Variants in PXDNL observed in about 807,000 individuals in gnomAD.
The protein encoded by PXDNL is probable oxidoreductase PXDNL.
Under a neutral mutation model 150.8 loss-of-function variants are expected in PXDNL, and 145 were observed. The observed-to-expected ratio is 0.96, with a 90% CI of 0.84 to 1.10. The LOEUF (loss-of-function observed/expected upper bound fraction) is 1.10, where lower values mean the gene tolerates loss of function less well. Ranked by LOEUF, PXDNL falls within the 50% of genes least tolerant of loss-of-function variation. The probability of loss-of-function intolerance (pLI) is 0.00; values close to 1 mark genes in which losing one functional copy is unlikely to be tolerated. For missense variants in PXDNL, 2,087 were observed against 1,873.9 expected (o/e 1.11, Z -2.10); for synonymous variants, 757 against 725.7 (o/e 1.04, Z -0.69).
In PXDNL at chr8:51,411,350, C is replaced by A. The variant is rs764987792; in HGVS notation, c.1962G>T (p.Leu654=). 5 of 1,588,468 alleles carry A rather than the reference C, an allele frequency of 3.1e-6. 1 individual carries two copies. The highest frequency in any genetic ancestry group is 1.9e-5 in the Admixed American group (1 of 54,020). ...CCCCTGCTCTTGCCATTTCCACAAT[C>A]AGTGGGTCACGCGGGTAATGAAATT... is the stretch of plus-strand genomic sequence containing the variant. ...LAQFHYPRDP[L]IVEMARAGEI... Residue 654 remains leucine (L), a synonymous_variant, in exon 16 of 23, where the codon CTG becomes CTT. Transcript: ENST00000356297.
intron 1 of PXDNL, among the ~76,000 whole-genome samples, chr8:51,777,827 C>T (rs1195781521): frequency 6.6e-6 from 1 of 152,116 alleles, no homozygotes; most frequent in Non-Finnish European, 1.5e-5. Flanking sequence ...CGCATGAACC[C>T]GGGAGGCGGA....
intron 3 of PXDNL, among the ~76,000 whole-genome samples, chr8:51,573,605 A>G (rs931728938): frequency 6.6e-6 from 1 of 151,992 alleles, no homozygotes; most frequent in African/African-American, 2.4e-5. Flanking sequence ...GAATCTCACC[A>G]CCATGTGGGA....
At chr8:51,417,294 A>G (rs1479328120) in intron 14 of PXDNL, among the ~76,000 whole-genome samples, 1 of 152,244 alleles carries the variant, frequency 6.6e-6, no homozygotes, top group African/African-American at 2.4e-5. Flanking sequence ...GTATATTTAC[A>G]AAATAAACAT....
chr8:51,755,861 G>A (rs1244251837), intron 1 of PXDNL, among the ~76,000 whole-genome samples: 1 of 152,124 alleles, frequency 6.6e-6, no homozygotes, highest in African/African-American at 2.4e-5. Flanking sequence ...TAAGTCAGCA[G>A]CAACTGTCAA....
chr8:51,744,750 AAG>A (rs1585717569), intron 1 of PXDNL, among the ~76,000 whole-genome samples: 2 of 21,176 alleles, frequency 9.4e-5, no homozygotes, highest in East Asian at 2.8e-3. Flanking sequence ...GAGAAAAGAA[AAG>A]AGAGAGAAAG....
chr8:51,626,735 G>T (rs1218952373), intron 2 of PXDNL, among the ~76,000 whole-genome samples: 2 of 152,078 alleles, frequency 1.3e-5, no homozygotes, highest in Non-Finnish European at 2.9e-5. Context: ...TTTCTATTTT[G>T]ACAAATATTT....
chr8:51,483,806 C>A, intron 5 of PXDNL, 92 bp from the exon 6 acceptor site: 1 of 730,908 alleles, frequency 1.4e-6, no homozygotes, highest in Non-Finnish European at 2.3e-6. Context: ...AATCCAATAC[C>A]TTTTTTGAAA....
rs148487516 is a variant in PXDNL at position 51,558,546 on chromosome 8, T to A, written c.309-1635A>T. ...TGGTTTTTATTATTATCGTCAATTT[T>A]AAATAATGAGGAGTTGTTTCATAAA... On this transcript the variant is annotated intron_variant, in intron 3 of 22. Transcript: ENST00000356297. 5.3e-4 allele frequency among the ~76,000 whole-genome samples: 80 copies of A among 152,202 alleles called. 1 individual carries two copies. Among genetic ancestry groups the A allele is most frequent in the African/African-American group, 1.8e-3 (76 of 41,552 alleles).
chr8:51,781,285 T>C (rs1006022654), intron 1 of PXDNL, among the ~76,000 whole-genome samples: 1 of 152,152 alleles, frequency 6.6e-6, no homozygotes, highest in Non-Finnish European at 1.5e-5. Context: ...TCTCTGACTT[T>C]GTGTGCCTTG....
chr8:51,338,688 A>G (rs1326494769), intron 21 of PXDNL, among the ~76,000 whole-genome samples: 2 of 152,248 alleles, frequency 1.3e-5, no homozygotes, highest in Admixed American at 1.3e-4. Flanking sequence ...GAAATCAGAC[A>G]TATATTTTTG....
At chr8:51,723,333 C>T (rs866026428) in intron 1 of PXDNL, among the ~76,000 whole-genome samples, 1 of 152,166 alleles carries the variant, frequency 6.6e-6, no homozygotes, top group African/African-American at 2.4e-5. Context: ...TTTACTATTC[C>T]TAATTCATCT....
chr8:51,671,927 T>A (rs1158632214), intron 1 of PXDNL, among the ~76,000 whole-genome samples: 1 of 152,244 alleles, frequency 6.6e-6, no homozygotes, highest in Non-Finnish European at 1.5e-5. Flanking sequence ...TTTTAAATAA[T>A]GATTACCAAG....
At chr8:51,645,293 C>G (rs1814893345) in intron 2 of PXDNL, among the ~76,000 whole-genome samples, 1 of 152,134 alleles carries the variant, frequency 6.6e-6, no homozygotes, top group Admixed American at 6.6e-5. Flanking sequence ...CTCAGGCCAC[C>G]AATTCATGCT....
At chr8:51,743,281 G>T (rs1258495065) in intron 1 of PXDNL, among the ~76,000 whole-genome samples, 2 of 152,144 alleles carry the variant, frequency 1.3e-5, no homozygotes, top group East Asian at 3.8e-4. Flanking sequence ...GCAGCGGCAT[G>T]ATCTCGGCTC....
At chr8:51,496,350 T>C (rs1426013063) in intron 5 of PXDNL, among the ~76,000 whole-genome samples, 1 of 152,312 alleles carries the variant, frequency 6.6e-6, no homozygotes, top group African/African-American at 2.4e-5. Flanking sequence ...ACTGGAAGCA[T>C]TCCCTTTGAA....
intron 21 of PXDNL, among the ~76,000 whole-genome samples, chr8:51,338,416 C>T (rs917429408): frequency 3.9e-5 from 6 of 152,166 alleles, no homozygotes; most frequent in South Asian, 2.1e-4. Flanking sequence ...TTGTAGTTCA[C>T]AAAGTCCTTC....
At chr8:51,326,822 G>A (rs1379877225) in intron 21 of PXDNL, among the ~76,000 whole-genome samples, 1 of 152,020 alleles carries the variant, frequency 6.6e-6, no homozygotes, top group African/African-American at 2.4e-5. Context: ...AAATCTTGAG[G>A]TCCTAACCCT....
intron 14 of PXDNL, 82 bp downstream of exon 14, chr8:51,423,493 T>G (rs2129734930): frequency 1.2e-3 from 1,304 of 1,112,090 alleles, no homozygotes; most frequent in Non-Finnish European, 1.5e-3. Flanking sequence ...GCATGATTAG[T>G]GAGATCAGTC....
intron 1 of PXDNL, among the ~76,000 whole-genome samples, chr8:51,737,045 C>T (rs1160244737): frequency 1.3e-5 from 2 of 152,062 alleles, no homozygotes; most frequent in South Asian, 2.1e-4. Flanking sequence ...AAATGTACTC[C>T]CTGGATTGTT....
Sources: gnomAD v4.1 joint callset for allele counts (sites outside exome capture counted in the v4.1 genomes callset) on GRCh38, gnomAD v4.1.1 for gene constraint, MANE v1.5 for transcripts, NCBI Gene and HGNC (gene_info 2026-07-23, HGNC 2026-07-21) for gene names.